The following VWA8 variants were observed in gnomAD, a reference collection of about 807,000 sequenced individuals.
VWA8 encodes the protein von Willebrand factor A domain containing 8.
In VWA8, 221 loss-of-function variants were observed where a neutral mutation model predicts 241.5. The observed-to-expected ratio is 0.91, with a 90% CI of 0.82 to 1.02. The LOEUF is 1.02. Ranked by LOEUF, VWA8 falls within the 50% of genes least tolerant of loss-of-function variation. VWA8 has a pLI of 0.00. For synonymous variants in VWA8, 852 were observed against 827.1 expected, an observed-to-expected ratio of 1.03 and a Z score of -0.52; for missense variants, 2,322 against 2,328.7, an observed-to-expected ratio of 1.00 and a Z score of 0.06.
At chr13:41,771,724 G>T (rs1457968127) in intron 20 of VWA8, among the ~76,000 whole-genome samples, 1 of 151,714 alleles carries the variant, frequency 6.6e-6, no homozygotes, top group Non-Finnish European at 1.5e-5. Context: ...GACTACAGGT[G>T]CATGCCACCA....
intron 37 of VWA8, among the ~76,000 whole-genome samples, chr13:41,654,241 A>C (rs2044886799): frequency 6.6e-6 from 1 of 152,228 alleles, no homozygotes; most frequent in African/African-American, 2.4e-5. Flanking sequence ...TTGATGAAAC[A>C]AGATTCACAT....
chr13:41,736,760 A>G (rs2045527801), intron 21 of VWA8, among the ~76,000 whole-genome samples: 1 of 152,120 alleles, frequency 6.6e-6, no homozygotes, highest in Non-Finnish European at 1.5e-5. Flanking sequence ...CCACGCAATA[A>G]TACGAGCCAA....
intron 7 of VWA8, 77 bp from the exon 8 acceptor site, chr13:41,886,105 G>T (rs1357984130): frequency 7.2e-6 from 7 of 975,648 alleles, no homozygotes; most frequent in Non-Finnish European, 1.0e-5. Flanking sequence ...AAATACAGGG[G>T]CCAATTTAAT....
At chr13:41,679,940 G>A (rs984738845) in intron 35 of VWA8, among the ~76,000 whole-genome samples, 1 of 144,810 alleles carries the variant, frequency 6.9e-6, no homozygotes, top group Non-Finnish European at 1.5e-5. Context: ...TCATTATGGT[G>A]CCCTCTTGAT....
intron 20 of VWA8, among the ~76,000 whole-genome samples, chr13:41,762,412 G>A (rs961377601): frequency 6.6e-6 from 1 of 152,092 alleles, no homozygotes; most frequent in Non-Finnish European, 1.5e-5. Context: ...TAATTCTAGT[G>A]AAACGAGGAC....
Position 41,777,861 on chromosome 13 carries a change from T to A in VWA8, c.2349+124A>T, listed in dbSNP as rs891463442. 4 of 754,472 alleles carry A rather than the reference T, an allele frequency of 5.3e-6. No homozygotes were observed. In the Admixed American group the frequency reaches 8.0e-5, roughly 15 times the overall value. 46.7% of individuals were successfully genotyped at this position (754,472 alleles called of 1,614,324 possible). On this transcript the variant is annotated intron_variant, in intron 20 of 44. Coordinates refer to ENST00000379310, the MANE Select transcript of VWA8 (RefSeq NM_015058.2). ...AAGTTTAGAAGGTAGCAGAGTCTCATCCTTTAATTAAACCAGTCATTTAAT... is the reference window on the plus strand; with the variant it reads ...AAGTTTAGAAGGTAGCAGAGTCTCAACCTTTAATTAAACCAGTCATTTAAT...
At chr13:41,950,796 G>A (rs916534442) in intron 1 of VWA8, among the ~76,000 whole-genome samples, 1 of 151,500 alleles carries the variant, frequency 6.6e-6, no homozygotes, top group Non-Finnish European at 1.5e-5. Context: ...AGCCTCCTGA[G>A]TAGCTGGGAT....
At chr13:41,904,339 A>T (rs1875598660) in intron 4 of VWA8, among the ~76,000 whole-genome samples, 1 of 152,128 alleles carries the variant, frequency 6.6e-6, no homozygotes, top group African/African-American at 2.4e-5. Flanking sequence ...TTAAAAATAT[A>T]TTTTTAAATC....
At chr13:41,940,737 C>A (rs1034605197) in intron 2 of VWA8, among the ~76,000 whole-genome samples, 3 of 152,138 alleles carry the variant, frequency 2.0e-5, no homozygotes, top group Admixed American at 1.3e-4. Context: ...TTCATCAACT[C>A]CTTAGCCGAA....
chr13:41,735,328 C>T (rs978080975), intron 21 of VWA8, among the ~76,000 whole-genome samples: 6 of 152,090 alleles, frequency 3.9e-5, no homozygotes, highest in Admixed American at 1.3e-4. Context: ...GTAAATTAAA[C>T]CTGAATTCTA....
intron 21 of VWA8, among the ~76,000 whole-genome samples, chr13:41,749,915 C>A (rs1593743279): frequency 2.6e-5 from 4 of 151,700 alleles, no homozygotes; most frequent in Admixed American, 2.6e-4. Context: ...AGGAGATATA[C>A]CTAATGTAAA....
intron 2 of VWA8, among the ~76,000 whole-genome samples, chr13:41,923,162 A>G (rs1291456993): frequency 6.6e-6 from 1 of 152,200 alleles, no homozygotes; most frequent in African/African-American, 2.4e-5. Flanking sequence ...GGAAACCATC[A>G]TTCTGAGCAA....
chr13:41,808,899 A>G (rs114015558), intron 17 of VWA8, among the ~76,000 whole-genome samples: 237 of 152,326 alleles, frequency 1.6e-3, no homozygotes, highest in African/African-American at 5.3e-3. Context: ...TTGATCAACA[A>G]ATTCATTAAA....
chr13:41,716,070 A>G (rs1046411876), intron 26 of VWA8, among the ~76,000 whole-genome samples: 8 of 151,950 alleles, frequency 5.3e-5, no homozygotes, highest in African/African-American at 1.7e-4. Flanking sequence ...TGTATTAGAA[A>G]CTTAAAAGAG....
rs376206659 is a variant in VWA8 at position 41,572,121 on chromosome 13, G to T, written c.5371-1415C>A. Among the ~76,000 whole-genome samples the T allele has an allele frequency of 2.7e-5, 4 of 150,512 alleles. No individual in the cohort carries two copies. In the South Asian group the frequency reaches 8.3e-4, roughly 31 times the overall value. ...GAGCCCCTCCGCCCGGCAGCTGCCC[G>T]TCTGCGAAGTGAGGAGCCCCTCCGC... On this transcript the variant is annotated intron_variant, in intron 43 of 44. Transcript: ENST00000379310.
At position 41,691,917 on chromosome 13, in the gene VWA8, C is replaced by A. The variant is rs1351934910; in HGVS notation, c.3697G>T (p.Glu1233Ter). The change falls in exon 31 of 45, where the codon GAA (glutamate) becomes TAA (stop). Residue 1233 changes from glutamate to a stop codon, truncating the protein, a stop_gained. Transcript: ENST00000379310. LOFTEE classifies it high-confidence loss of function. ...EEAETYKMCK[E>*]FSHKNWLVFY... ...ACCAGCCAGTTTTTGTGTGAAAATT[C>A]TTTACACATTTTATAAGTTTCCTAA... 1 of 1,609,790 alleles carries A rather than the reference C, an allele frequency of 6.2e-7. No individual in the cohort carries two copies. Among genetic ancestry groups the A allele is most frequent in the Non-Finnish European group, 8.5e-7 (1 of 1,176,856 alleles).
chr13:41,641,967 C>T (rs2044798341), intron 37 of VWA8, among the ~76,000 whole-genome samples: 1 of 152,262 alleles, frequency 6.6e-6, no homozygotes, highest in East Asian at 1.9e-4. Context: ...AATAACCAGT[C>T]GGTCATATGT....
intron 2 of VWA8, among the ~76,000 whole-genome samples, chr13:41,919,297 G>C (rs187280660): frequency 6.6e-6 from 1 of 152,114 alleles, no homozygotes; most frequent in Non-Finnish European, 1.5e-5. Context: ...CTACCAGCTC[G>C]CATCACTACT....
At chr13:41,659,456 T>C (rs980233146) in intron 37 of VWA8, among the ~76,000 whole-genome samples, 3 of 152,210 alleles carry the variant, frequency 2.0e-5, no homozygotes. Context: ...TGGTATATGA[T>C]TAGCACATGT....
Sources: allele counts gnomAD v4.1 joint callset (sites outside exome capture counted in the v4.1 genomes callset), GRCh38; gene constraint gnomAD v4.1.1; transcripts MANE v1.5; gene names NCBI Gene and HGNC (gene_info 2026-07-23, HGNC 2026-07-21).